Variants in COMMD1 observed in about 807,000 individuals in gnomAD.
COMMD1 encodes copper metabolism domain containing 1, also known as COMM domain-containing protein 1.
In COMMD1, 10 loss-of-function variants were observed where a neutral mutation model predicts 17.2. The observed-to-expected ratio is 0.58, with a 90% CI of 0.36 to 0.99. The LOEUF is 0.99. Among genes scored for constraint, COMMD1 ranks in the 50% least tolerant of loss-of-function variants. The pLI is 0.01. For missense variants in COMMD1, 270 were observed against 231.8 expected (o/e 1.17, Z -1.07); for synonymous variants, 97 against 91.6 (o/e 1.06, Z -0.34).
chr2:62,015,959 G>A (rs2103843320), intron 2 of COMMD1, among the ~76,000 whole-genome samples: 1 of 151,858 alleles, frequency 6.6e-6, no homozygotes, highest in African/African-American at 2.4e-5. Context: ...AGCATCCTGA[G>A]TAGCTGGGAT....
At chr2:62,066,436 C>CTT (rs34663203) in intron 2 of COMMD1, among the ~76,000 whole-genome samples, 9 of 137,046 alleles carry the variant, frequency 6.6e-5, no homozygotes, top group Non-Finnish European at 7.9e-5. Flanking sequence ...AAGATCAAAT[C>CTT]TTTTTTTTTT....
chr2:61,970,513 T>C (rs1419502463), intron 1 of COMMD1, among the ~76,000 whole-genome samples: 1 of 152,106 alleles, frequency 6.6e-6, no homozygotes, highest in African/African-American at 2.4e-5. Context: ...AAACAACAAA[T>C]GCTACATAAG....
chr2:61,994,838 A>G (rs1668710214), intron 1 of COMMD1, among the ~76,000 whole-genome samples: 1 of 152,170 alleles, frequency 6.6e-6, no homozygotes, highest in Non-Finnish European at 1.5e-5. Context: ...CAAAAAGACA[A>G]GATCATTTCT....
In COMMD1 at chr2:62,068,620, C is replaced by CTT. The variant is rs67517468; in HGVS notation, c.463-67188_463-67187dup. Among the ~76,000 whole-genome samples, 244 of 89,242 alleles carry CTT rather than the reference C, an allele frequency of 2.7e-3. 4 individuals are homozygous for CTT. The highest frequency in any genetic ancestry group is 7.0e-3 in the African/African-American group (144 of 20,498). The allele number at this position is 89,242 out of a possible 152,430, so 58.5% of individuals were successfully genotyped here. Reference sequence around the variant, plus strand: ...GCTTCAAAGATAGTAGTAGTATAATCTTTTTTTTTTTTTTTTTTTTTTTTG... The same window carrying CTT: ...GCTTCAAAGATAGTAGTAGTATAATCTTTTTTTTTTTTTTTTTTTTTTTTTTG... On this transcript the variant is annotated intron_variant, in intron 2 of 2. Coordinates refer to ENST00000311832, the MANE Select transcript of COMMD1 (RefSeq NM_152516.4).
chr2:61,962,797 C>A (rs1671389992), intron 1 of COMMD1, among the ~76,000 whole-genome samples: 1 of 152,072 alleles, frequency 6.6e-6, no homozygotes, highest in East Asian at 1.9e-4. Context: ...ACATTTGGGC[C>A]CCTCCCAGAC....
chr2:62,072,044 C>T (rs1384989027), intron 2 of COMMD1, among the ~76,000 whole-genome samples: 1 of 151,656 alleles, frequency 6.6e-6, no homozygotes, highest in African/African-American at 2.4e-5. Flanking sequence ...TCCAGCCTCA[C>T]TCTAGTATAG....
At chr2:62,089,239 G>GGGAAA (rs1235564247) in intron 2 of COMMD1, among the ~76,000 whole-genome samples, 8 of 151,548 alleles carry the variant, frequency 5.3e-5, no homozygotes, top group Non-Finnish European at 8.8e-5. Context: ...CCCCTACAAG[G>GGGAAA]ATGACTTTGC....
chr2:62,058,292 T>A (rs926247732), intron 2 of COMMD1, among the ~76,000 whole-genome samples: 6 of 152,222 alleles, frequency 3.9e-5, no homozygotes, highest in African/African-American at 1.4e-4. Flanking sequence ...CATCTATTTA[T>A]TATTTCAGTT....
At chr2:61,985,293 G>A (rs1169064619) in intron 1 of COMMD1, among the ~76,000 whole-genome samples, 5 of 151,998 alleles carry the variant, frequency 3.3e-5, no homozygotes, top group African/African-American at 1.2e-4. Flanking sequence ...CTGGTGATCC[G>A]CCCGCCTTGG....
At chr2:61,934,236 G>T (rs1427209672) in intron 1 of COMMD1, among the ~76,000 whole-genome samples, 1 of 152,168 alleles carries the variant, frequency 6.6e-6, no homozygotes. Context: ...TCTCTTGAGT[G>T]GGACAGTTGG....
At chr2:62,051,514 T>A (rs886677580) in intron 2 of COMMD1, among the ~76,000 whole-genome samples, 1 of 152,234 alleles carries the variant, frequency 6.6e-6, no homozygotes, top group Non-Finnish European at 1.5e-5. Context: ...CTCCTCATCT[T>A]TGGTCTTTGT....
intron 2 of COMMD1, among the ~76,000 whole-genome samples, chr2:62,063,865 CAAAATATATATATATATATA>C (rs1670946403): frequency 3.2e-5 from 1 of 31,050 alleles, no homozygotes; most frequent in Non-Finnish European, 6.0e-5. Flanking sequence ...ACTGTCTCTA[CAAAATATATATATATATATA>C]TATATATATA....
At chr2:62,104,240 C>T (rs1483684914) in intron 2 of COMMD1, among the ~76,000 whole-genome samples, 7 of 152,174 alleles carry the variant, frequency 4.6e-5, no homozygotes, top group Non-Finnish European at 1.5e-5. Context: ...CGCTTATAAT[C>T]CCAACACTTT....
chr2:61,940,533 G>C (rs1284783899), intron 1 of COMMD1, among the ~76,000 whole-genome samples: 1 of 152,124 alleles, frequency 6.6e-6, no homozygotes, highest in Non-Finnish European at 1.5e-5. Context: ...AGGGACTCAG[G>C]CCTTTTCGTC....
chr2:62,015,208 C>T lies in COMMD1; in HGVS notation c.462+14226C>T, dbSNP rs115112664. On this transcript the variant is annotated intron_variant, in intron 2 of 2. Transcript: ENST00000311832. ...TTTCCATCTCTTCAGCCCCTGGTAA[C>T]CTCTTTTCTACTTTTTTCTCTGTGT... is the stretch of plus-strand genomic sequence containing the variant. Among the ~76,000 whole-genome samples, 752 of 152,308 alleles carry T rather than the reference C, an allele frequency of 4.9e-3. 7 individuals are homozygous for T. Among genetic ancestry groups the T allele is most frequent in the African/African-American group, 0.017 (715 of 41,560 alleles).
At chr2:62,112,840 A>G (rs1174667132) in intron 2 of COMMD1, among the ~76,000 whole-genome samples, 1 of 152,206 alleles carries the variant, frequency 6.6e-6, no homozygotes, top group African/African-American at 2.4e-5. Context: ...TCCATGGGTA[A>G]TGATGGAGAA....
At chr2:61,957,084 A>ATG (rs1046474516) in intron 1 of COMMD1, among the ~76,000 whole-genome samples, 5 of 87,824 alleles carry the variant, frequency 5.7e-5, no homozygotes, top group African/African-American at 1.8e-4. Context: ...AGGAAGATGG[A>ATG]TGCGTGTGTG....
At chr2:62,020,833 C>G (rs1023027574) in intron 2 of COMMD1, among the ~76,000 whole-genome samples, 13 of 152,074 alleles carry the variant, frequency 8.5e-5, no homozygotes, top group Non-Finnish European at 1.6e-4. Flanking sequence ...AACCCCATCT[C>G]TACTAAAAAT....
At chr2:61,912,348 A>T (rs1197299112) in intron 1 of COMMD1, among the ~76,000 whole-genome samples, 1 of 152,222 alleles carries the variant, frequency 6.6e-6, no homozygotes, top group Admixed American at 6.5e-5. Flanking sequence ...CACTTACCAT[A>T]TGAGGAAAGC....
Sources: allele counts gnomAD v4.1 joint callset (sites outside exome capture counted in the v4.1 genomes callset), GRCh38; gene constraint gnomAD v4.1.1; transcripts MANE v1.5; gene names NCBI Gene and HGNC (gene_info 2026-07-23, HGNC 2026-07-21).